CNTN5: variants seen among roughly 807,000 people sequenced by gnomAD.
CNTN5 encodes the protein contactin 5.
CNTN5 carries 77 observed loss-of-function variants against 129.1 expected under a neutral mutation model. That is an observed-to-expected ratio of 0.60 (90% CI 0.50 to 0.72). The LOEUF (loss-of-function observed/expected upper bound fraction) is 0.72. Among genes scored for constraint, CNTN5 ranks in the 30% least tolerant of loss-of-function variants. The pLI is 0.00. For synonymous variants in CNTN5, 509 were observed against 465.6 expected (o/e 1.09, Z -1.20); for missense variants, 1,478 against 1,328.8 (o/e 1.11, Z -1.75).
At chr11:100,183,192 C>A (rs112598150) in intron 13 of CNTN5, among the ~76,000 whole-genome samples, 4,701 of 152,166 alleles carry the variant, frequency 0.031, 246 homozygotes, top group African/African-American at 0.11. Context: ...ATGTCAGCTT[C>A]TTAAAAAGGT....
intron 3 of CNTN5, among the ~76,000 whole-genome samples, chr11:99,693,550 G>A (rs561869384): frequency 3.0e-4 from 45 of 152,014 alleles, no homozygotes; most frequent in South Asian, 1.0e-3. Context: ...CCAGTGGACC[G>A]TGAAACATGG....
At chr11:99,529,992 G>C (rs1417509493) in intron 2 of CNTN5, among the ~76,000 whole-genome samples, 1 of 152,100 alleles carries the variant, frequency 6.6e-6, no homozygotes, top group Non-Finnish European at 1.5e-5. Context: ...AAAGTGATTA[G>C]AGGGACATAA....
intron 13 of CNTN5, among the ~76,000 whole-genome samples, chr11:100,087,404 AT>A (rs1170401059): frequency 6.6e-6 from 1 of 152,038 alleles, no homozygotes; most frequent in East Asian, 1.9e-4. Context: ...ACCAAAAAAA[AT>A]AAGAACAAAT....
intron 13 of CNTN5, among the ~76,000 whole-genome samples, chr11:100,186,863 G>GTAAT (rs1253262524): frequency 6.6e-6 from 1 of 152,084 alleles, no homozygotes; most frequent in Non-Finnish European, 1.5e-5. Flanking sequence ...AATTATCTAA[G>GTAAT]TAATTACGTG....
intron 3 of CNTN5, among the ~76,000 whole-genome samples, chr11:99,617,497 C>T (rs1054127684): frequency 2.6e-5 from 4 of 152,036 alleles, no homozygotes; most frequent in Admixed American, 1.3e-4. Flanking sequence ...TATATTAGTC[C>T]ATAGAAAAGT....
At chr11:100,016,036 T>A (rs1565790452) in intron 9 of CNTN5, among the ~76,000 whole-genome samples, 1 of 152,072 alleles carries the variant, frequency 6.6e-6, no homozygotes, top group African/African-American at 2.4e-5. Flanking sequence ...TGCCAGAGAG[T>A]TGTAATATGA....
At chr11:99,315,629 G>A (rs1009602150) in intron 1 of CNTN5, among the ~76,000 whole-genome samples, 1 of 149,500 alleles carries the variant, frequency 6.7e-6, no homozygotes, top group African/African-American at 2.4e-5. Context: ...AGCCAAGAAT[G>A]CATAGGAAAA....
At chr11:99,919,782 A>G (rs924127539) in intron 7 of CNTN5, among the ~76,000 whole-genome samples, 1 of 150,634 alleles carries the variant, frequency 6.6e-6, no homozygotes, top group African/African-American at 2.4e-5. Context: ...CTGTCTCTAT[A>G]GTTTTGACTT....
intron 2 of CNTN5, among the ~76,000 whole-genome samples, chr11:99,359,579 TTATTATATATGAAAAAATA>T (rs1183487371): frequency 6.7e-6 from 1 of 149,938 alleles, no homozygotes; most frequent in African/African-American, 2.4e-5. Context: ...GTAAATTACC[TTATTATATATGAAAAAATA>T]TATTATATAT....
At chr11:99,954,367 AC>A (rs1261271903) in intron 7 of CNTN5, among the ~76,000 whole-genome samples, 2 of 148,012 alleles carry the variant, frequency 1.4e-5, no homozygotes, top group Non-Finnish European at 3.0e-5. Flanking sequence ...TTAAAAAAAA[AC>A]CTTAAAAAGT....
intron 6 of CNTN5, among the ~76,000 whole-genome samples, chr11:99,895,920 C>G (rs1240961465): frequency 6.6e-6 from 1 of 152,144 alleles, no homozygotes; most frequent in Non-Finnish European, 1.5e-5. Flanking sequence ...TACTAAGAAG[C>G]AGCTAGACTC....
At chr11:99,623,730 A>T (rs1385392276) in intron 3 of CNTN5, among the ~76,000 whole-genome samples, 2 of 146,374 alleles carry the variant, frequency 1.4e-5, no homozygotes, top group Non-Finnish European at 3.0e-5. Flanking sequence ...AATGTTTAGC[A>T]GAGAAAGATA....
intron 1 of CNTN5, among the ~76,000 whole-genome samples, chr11:99,127,632 A>G (rs1402102781): frequency 6.6e-6 from 1 of 152,216 alleles, no homozygotes; most frequent in African/African-American, 2.4e-5. Flanking sequence ...GATAAGCTGT[A>G]TCCACATCAG....
intron 2 of CNTN5, among the ~76,000 whole-genome samples, chr11:99,517,587 G>A (rs1006961683): frequency 3.9e-5 from 6 of 152,000 alleles, no homozygotes; most frequent in African/African-American, 1.5e-4. Flanking sequence ...TCTATTTTCT[G>A]CTGCTTTATG....
intron 13 of CNTN5, among the ~76,000 whole-genome samples, chr11:100,136,247 G>T (rs148656931): frequency 1.2e-5 from 1 of 86,556 alleles, no homozygotes; most frequent in Non-Finnish European, 2.1e-5. Context: ...GGTATTCAAG[G>T]CTGGCTATTT....
intron 1 of CNTN5, among the ~76,000 whole-genome samples, chr11:99,083,057 C>CAT (rs71046660): frequency 2.8e-4 from 42 of 149,970 alleles, no homozygotes; most frequent in African/African-American, 9.8e-4. Context: ...CACACACACA[C>CAT]GAAGAAGACA....
At chr11:100,232,470 T>A (rs754287747) in intron 16 of CNTN5, among the ~76,000 whole-genome samples, 1 of 152,130 alleles carries the variant, frequency 6.6e-6, no homozygotes, top group African/African-American at 2.4e-5. Flanking sequence ...TTCAGAGGAA[T>A]GATGGGTGTA....
intron 4 of CNTN5, among the ~76,000 whole-genome samples, chr11:99,822,283 C>T (rs146314496): frequency 6.6e-6 from 1 of 152,234 alleles, no homozygotes; most frequent in East Asian, 1.9e-4. Context: ...GAAACCTTCC[C>T]ATACAAGTAC....
intron 3 of CNTN5, among the ~76,000 whole-genome samples, chr11:99,595,672 G>T (rs536937383): frequency 6.6e-6 from 1 of 152,012 alleles, no homozygotes; most frequent in South Asian, 2.1e-4. Context: ...TCTAAATAAA[G>T]AAAAACTAAC....
Sources: allele counts gnomAD v4.1 joint callset (sites outside exome capture counted in the v4.1 genomes callset), GRCh38; gene constraint gnomAD v4.1.1; transcripts MANE v1.5; gene names NCBI Gene and HGNC (gene_info 2026-07-23, HGNC 2026-07-21).